Variants in CES3 observed in about 807,000 individuals in gnomAD.
CES3 encodes carboxylesterase 3 (brain).
Under a neutral mutation model 57.6 loss-of-function variants are expected in CES3, and 49 were observed. The observed-to-expected ratio is 0.85, with a 90% CI of 0.68 to 1.08. The LOEUF is 1.08. CES3 is among the 50% of genes least tolerant of loss of function. The pLI is 0.00. For missense variants in CES3, 645 were observed against 742.0 expected (o/e 0.87, Z 1.52); for synonymous variants, 266 against 281.6 (o/e 0.94, Z 0.55).
Position 66,972,651 on chromosome 16 carries a change from C to G in CES3, c.1442-17C>G. ...CCACCTGACTCTCGTTCAGTTCTGT[C>G]CCTCTCACCTTTCCAGCCTTTCCAG... On this transcript the variant is annotated splice_polypyrimidine_tract_variant and intron_variant, in intron 11 of 12. Coordinates refer to ENST00000303334, the MANE Select transcript of CES3 (RefSeq NM_024922.6). 6.2e-7 allele frequency: 1 copy of G among 1,614,192 alleles called. No homozygotes were observed. The highest frequency in any genetic ancestry group is 8.5e-7 in the Non-Finnish European group (1 of 1,180,018).
intron 1 of CES3, among the ~76,000 whole-genome samples, chr16:66,962,781 C>T (rs1265497669): frequency 6.6e-6 from 1 of 152,212 alleles, no homozygotes; most frequent in Non-Finnish European, 1.5e-5. Flanking sequence ...CCTGTAATCC[C>T]AGCTACTTGG....
chr16:66,967,005 G>T, intron 8 of CES3, 140 bp downstream of exon 8: 1 of 1,063,522 alleles, frequency 9.4e-7, no homozygotes, highest in East Asian at 2.4e-5. Flanking sequence ...GCCCAGAAAG[G>T]TTTGAGGGAC....
At chr16:66,961,703 AC>A (rs1032243913) in intron 1 of CES3, among the ~76,000 whole-genome samples, 115 of 152,106 alleles carry the variant, frequency 7.6e-4, no homozygotes, top group African/African-American at 2.8e-3. Flanking sequence ...AGCTGGGATT[AC>A]AGGCACCTGC....
In CES3 at chr16:66,969,713, G is replaced by A. The variant is rs904776138; in HGVS notation, c.1097G>A (p.Ser366Asn). The change falls in exon 9 of 13, where the codon AGC becomes AAC. Residue 366 changes from serine (S) to asparagine (N), a missense_variant. Physicochemically the swap from Ser to Asn is conservative, Grantham distance 46. Coordinates refer to ENST00000303334, the MANE Select transcript of CES3 (RefSeq NM_024922.6). ...CTCCTGGATACAATGGAGCAGATGA[G>A]CCGGGAGGACATGCTGGCCATCTCA... is the stretch of plus-strand genomic sequence containing the variant. ...WGLLDTMEQM[S>N]REDMLAISTP... is the part of the protein sequence containing the mutation. 1 of 1,613,482 alleles carries A rather than the reference G, an allele frequency of 6.2e-7. No homozygotes were observed. Among genetic ancestry groups the A allele is most frequent in the Non-Finnish European group, 8.5e-7 (1 of 1,179,758 alleles).
intron 8 of CES3, 92 bp from the exon 9 acceptor site, chr16:66,969,587 C>A: frequency 1.6e-6 from 2 of 1,261,498 alleles, no homozygotes; most frequent in Non-Finnish European, 2.3e-6. Context: ...GAGTTTCTGG[C>A]CTCAGGACCG....
chr16:66,971,096 A>G, intron 9 of CES3, 76 bp from the exon 10 acceptor site: 3 of 1,496,492 alleles, frequency 2.0e-6, no homozygotes, highest in Non-Finnish European at 1.8e-6. Flanking sequence ...GCTATGCTGG[A>G]GAGTTTGGGG....
rs372693050 is a variant in CES3 at position 66,961,290 on chromosome 16, G to C, written c.-18G>C. Reference sequence around the variant, plus strand: ...TATTCCACCTTCTGAAGCTTCTGTCGAACCAGTTGTAAGGAGAATGGAGAG... The same window carrying C: ...TATTCCACCTTCTGAAGCTTCTGTCCAACCAGTTGTAAGGAGAATGGAGAG... On this transcript the variant is annotated 5_prime_UTR_variant, in exon 1 of 13. Transcript: ENST00000303334. The C allele has an allele frequency of 1.9e-6, 3 of 1,609,904 alleles. No individual in the cohort carries two copies. Among genetic ancestry groups the C allele is most frequent in the East Asian group, 2.2e-5 (1 of 44,852 alleles).
Position 66,963,721 on chromosome 16 carries a change from T to A in CES3, c.427-81T>A. 6.2e-7 allele frequency: 1 copy of A among 1,611,118 alleles called. No individual in the cohort carries two copies. The highest frequency in any genetic ancestry group is 8.5e-7 in the Non-Finnish European group (1 of 1,177,834). On this transcript the variant is annotated intron_variant, in intron 3 of 12. Transcript: ENST00000303334. The surrounding 1 kb of genome is among the most constrained non-coding windows in gnomAD (Gnocchi z 4.9). Reference sequence around the variant, plus strand: ...CCCTGTTTCCAAAGCACCCTAGCGGTCCTGAGACTGCCTGGGCTGGCAGGT... The same window carrying A: ...CCCTGTTTCCAAAGCACCCTAGCGGACCTGAGACTGCCTGGGCTGGCAGGT...
At position 66,971,312 on chromosome 16, in the gene CES3, C is replaced by G; in HGVS notation, c.1284C>G (p.Tyr428Ter). Residue 428 changes from tyrosine to a stop codon, truncating the protein, a stop_gained, in exon 10 of 13, where the codon TAC becomes TAG. Transcript: ENST00000303334. LOFTEE classifies it high-confidence loss of function. ...INVPTVSFSR[Y>*]LRDSGSPVFF... ...TTCCCACCGTCAGTTTTTCAAGATA[C>G]CTTCGAGGTAAGCCTGTCCCTGGCC... The G allele has an allele frequency of 6.2e-7, 1 of 1,613,426 alleles. No homozygotes were observed. Among genetic ancestry groups the G allele is most frequent in the South Asian group, 1.1e-5 (1 of 90,960 alleles).
In CES3 at chr16:66,973,378, C is replaced by T. The variant is rs943154029; in HGVS notation, c.*329C>T. 8 of 259,882 alleles carry T rather than the reference C, an allele frequency of 3.1e-5. No homozygotes were observed. Among genetic ancestry groups the T allele is most frequent in the African/African-American group, 1.1e-4 (5 of 45,490 alleles). 16.1% of individuals were successfully genotyped at this position (259,882 alleles called of 1,614,324 possible). A position where few individuals can be genotyped will look rare whatever the true frequency, so the allele number is the denominator to read the frequency against. On this transcript the variant is annotated 3_prime_UTR_variant, in exon 13 of 13. Coordinates refer to ENST00000303334, the MANE Select transcript of CES3 (RefSeq NM_024922.6). ...TCTGGGCTGTGCGGCCCCGAGTCTG[C>T]GTCCATTAGAGCACAGTCCACCCGA...
chr16:66,967,071 CTG>C (rs1963744004), intron 8 of CES3, among the ~76,000 whole-genome samples: 1 of 147,340 alleles, frequency 6.8e-6, no homozygotes, highest in Admixed American at 6.6e-5. Flanking sequence ...TTTTTTTTTT[CTG>C]TTTTTGTTTG....
Position 66,961,303 on chromosome 16 carries a change from G to A in CES3, c.-5G>A, listed in dbSNP as rs1283777450. The stretch of plus-strand genomic sequence containing the variant: ...GAAGCTTCTGTCGAACCAGTTGTAA[G>A]GAGAATGGAGAGAGCAGTGAGAGTG... On this transcript the variant is annotated 5_prime_UTR_variant, in exon 1 of 13. Transcript: ENST00000303334. The A allele has an allele frequency of 8.1e-6, 13 of 1,613,270 alleles. No homozygotes were observed. The East Asian group carries it at 8.9e-5, about 11-fold the overall frequency.
At chr16:66,964,230 G>A in intron 4 of CES3, 127 bp from the exon 5 acceptor site, 1 of 1,323,946 alleles carries the variant, frequency 7.6e-7, no homozygotes, top group Non-Finnish European at 1.0e-6. Context: ...GCCAACCACG[G>A]CTCCCAGACA....
At chr16:66,965,797 G>A (rs547327630) in intron 6 of CES3, among the ~76,000 whole-genome samples, 26 of 152,086 alleles carry the variant, frequency 1.7e-4, no homozygotes, top group Admixed American at 4.6e-4. Flanking sequence ...AAAATTAGCC[G>A]GGCATGGTGG....
chr16:66,969,134 G>A (rs898522776), intron 8 of CES3, among the ~76,000 whole-genome samples: 2 of 152,166 alleles, frequency 1.3e-5, no homozygotes, highest in African/African-American at 2.4e-5. Context: ...GGCTGGGCCC[G>A]GCGGCTCATG....
At chr16:66,961,667 G>A (rs999384312) in intron 1 of CES3, among the ~76,000 whole-genome samples, 2 of 152,074 alleles carry the variant, frequency 1.3e-5, no homozygotes, top group Admixed American at 6.5e-5. Context: ...GGATTCAAGC[G>A]ATTCTCCTGC....
rs1963704855 is a variant in CES3 at position 66,964,663 on chromosome 16, TCA to T, written c.760_761del (p.Gln254GlufsTer34). 4 of 1,614,060 alleles carry T rather than the reference TCA, an allele frequency of 2.5e-6. No individual in the cohort carries two copies. Among genetic ancestry groups the T allele is most frequent in the Non-Finnish European group, 3.4e-6 (4 of 1,179,978 alleles). On this transcript the variant is annotated frameshift_variant, in exon 6 of 13. Coordinates refer to ENST00000303334, the MANE Select transcript of CES3 (RefSeq NM_024922.6). LOFTEE classifies it high-confidence loss of function. ...GCTGCAGGGCTGTTCCACAGAGCCA[TCA>T]CACAGAGTGGGGTCATCACCACCCC...
rs764629795 is a variant in CES3, at chr16:66,963,284, T to C, written c.188T>C (p.Ile63Thr). The C allele has an allele frequency of 3.1e-6, 5 of 1,613,614 alleles. No homozygotes were observed. The African/African-American group carries it at 5.3e-5, about 17-fold the overall frequency. ...TDRLVNVFLGIPFAQPPLGPD... is the reference protein window; with the variant it reads ...TDRLVNVFLGTPFAQPPLGPD... ...CGCCTTGTGAATGTCTTTCTGGGCA[T>C]TCCATTTGCCCAGCCGCCACTGGGC... The change falls in exon 2 of 13, where the codon ATT becomes ACT. Residue 63 changes from isoleucine to threonine, a missense_variant. Transcript: ENST00000303334. The surrounding 1 kb of genome is among the most constrained non-coding windows in gnomAD (Gnocchi z 4.9).
At chr16:66,971,915 C>A (rs538311615) in intron 10 of CES3, among the ~76,000 whole-genome samples, 6 of 152,052 alleles carry the variant, frequency 3.9e-5, no homozygotes, top group African/African-American at 1.4e-4. Context: ...GCGGGAGGAT[C>A]GCTTGAGCCC....
Sources: allele counts gnomAD v4.1 joint callset (sites outside exome capture counted in the v4.1 genomes callset), GRCh38; gene constraint gnomAD v4.1.1; non-coding constraint Gnocchi (gnomAD v3.1); transcripts MANE v1.5; gene names NCBI Gene and HGNC (gene_info 2026-07-23, HGNC 2026-07-21).